The following CTNNA3 variants were observed in gnomAD, a reference collection of about 807,000 sequenced individuals.
CTNNA3 encodes the protein catenin alpha 3.
A neutral mutation model predicts 95.7 loss-of-function variants in CTNNA3; 76 were observed. The observed-to-expected ratio is 0.79, with a 90% CI of 0.66 to 0.96. CTNNA3 has a LOEUF of 0.96. Ranked by LOEUF, CTNNA3 falls within the 40% of genes least tolerant of loss-of-function variation. The pLI, the probability that CTNNA3 is intolerant of heterozygous loss-of-function variation, is 0.00. For missense variants in CTNNA3, 1,191 were observed against 1,089.8 expected (o/e 1.09, Z -1.31); for synonymous variants, 431 against 374.4 (o/e 1.15, Z -1.74).
chr10:67,230,822 G>A (rs79256932), intron 5 of CTNNA3, among the ~76,000 whole-genome samples: 14 of 152,292 alleles, frequency 9.2e-5, no homozygotes, highest in East Asian at 7.8e-4. Flanking sequence ...TGCACACACC[G>A]TGCGCGAGCC....
intron 7 of CTNNA3, among the ~76,000 whole-genome samples, chr10:66,955,022 T>G (rs1175398056): frequency 6.6e-6 from 1 of 152,180 alleles, no homozygotes; most frequent in Non-Finnish European, 1.5e-5. Context: ...TGGAGCACAT[T>G]AACATATATA....
chr10:67,028,446 T>TA (rs528843870), intron 7 of CTNNA3, among the ~76,000 whole-genome samples: 260 of 147,328 alleles, frequency 1.8e-3, no homozygotes, highest in African/African-American at 5.8e-3. Flanking sequence ...CAGTCTTTAT[T>TA]AAAAAAAAAA....
rs145053640 is a variant in CTNNA3, at chr10:65,968,063, C to T, written c.2266-1317G>A. Among the ~76,000 whole-genome samples, 38 of 152,190 alleles carry T rather than the reference C, an allele frequency of 2.5e-4. No individual in the cohort carries two copies. The East Asian group carries it at 5.4e-3, about 22-fold the overall frequency. Reference sequence around the variant, plus strand: ...TAAAAAAATCAATATGTAAATATTGCAATCAAATTCTATTAAAAATTGTGT... The same window carrying T: ...TAAAAAAATCAATATGTAAATATTGTAATCAAATTCTATTAAAAATTGTGT... On this transcript the variant is annotated intron_variant, in intron 16 of 17. Transcript: ENST00000433211.
chr10:66,850,986 C>T (rs1843463388), intron 7 of CTNNA3, among the ~76,000 whole-genome samples: 1 of 152,012 alleles, frequency 6.6e-6, no homozygotes, highest in Admixed American at 6.6e-5. Flanking sequence ...ACTATTATAC[C>T]CTGTTTTCAT....
intron 14 of CTNNA3, among the ~76,000 whole-genome samples, chr10:66,095,251 G>A (rs1480094238): frequency 1.6e-4 from 25 of 152,146 alleles, no homozygotes; most frequent in Non-Finnish European, 3.5e-4. Context: ...AAACCCTAAT[G>A]TTTAAAAATA....
chr10:66,906,369 T>A (rs1366180909), intron 7 of CTNNA3, among the ~76,000 whole-genome samples: 1 of 152,080 alleles, frequency 6.6e-6, no homozygotes, highest in Non-Finnish European at 1.5e-5. Context: ...AGAGGAAAAT[T>A]TTAAGCCATA....
intron 17 of CTNNA3, among the ~76,000 whole-genome samples, chr10:65,933,234 G>A (rs2077282617): frequency 6.6e-6 from 1 of 152,092 alleles, no homozygotes; most frequent in African/African-American, 2.4e-5. Flanking sequence ...ACACATTGGT[G>A]CATTTCAATT....
At chr10:66,855,884 T>C (rs1843666519) in intron 7 of CTNNA3, among the ~76,000 whole-genome samples, 1 of 152,034 alleles carries the variant, frequency 6.6e-6, no homozygotes, top group Admixed American at 6.6e-5. Flanking sequence ...GCCTTATCAA[T>C]AATATTATCA....
chr10:66,145,210 G>A (rs1180666893), intron 13 of CTNNA3, among the ~76,000 whole-genome samples: 7 of 152,134 alleles, frequency 4.6e-5, no homozygotes, highest in African/African-American at 1.2e-4. Flanking sequence ...TCCATATGCC[G>A]TTCAAGACTC....
intron 4 of CTNNA3, among the ~76,000 whole-genome samples, chr10:67,530,888 G>T (rs968831014): frequency 6.6e-6 from 1 of 152,200 alleles, no homozygotes; most frequent in Admixed American, 6.5e-5. Context: ...GGAGCCCTTT[G>T]TCCCAGCTGC....
chr10:66,330,194 A>G (rs1195576143), intron 12 of CTNNA3, among the ~76,000 whole-genome samples: 2 of 151,742 alleles, frequency 1.3e-5, no homozygotes, highest in African/African-American at 2.4e-5. Context: ...CATTAGGTAT[A>G]TCTCCTAATG....
intron 2 of CTNNA3, among the ~76,000 whole-genome samples, chr10:67,608,967 A>G (rs140045248): frequency 0.022 from 3,309 of 151,768 alleles, 118 homozygotes; most frequent in African/African-American, 0.076. Flanking sequence ...GCGCATGCCT[A>G]TAATCCCAGC....
intron 15 of CTNNA3, among the ~76,000 whole-genome samples, chr10:66,009,859 G>C (rs1378712683): frequency 3.9e-5 from 6 of 152,206 alleles, no homozygotes; most frequent in Non-Finnish European, 1.5e-5. Flanking sequence ...AGAGAGACTA[G>C]CCATGGTCTT....
At chr10:66,578,196 G>T (rs1843066238) in intron 10 of CTNNA3, among the ~76,000 whole-genome samples, 1 of 151,958 alleles carries the variant, frequency 6.6e-6, no homozygotes, top group Admixed American at 6.6e-5. Flanking sequence ...CTTTACTAAG[G>T]TCATTTATCA....
At chr10:66,104,601 C>A (rs1357000192) in intron 13 of CTNNA3, among the ~76,000 whole-genome samples, 1 of 152,156 alleles carries the variant, frequency 6.6e-6, no homozygotes, top group African/African-American at 2.4e-5. Flanking sequence ...TCTCTCCCAT[C>A]CTCCCTGCTT....
At chr10:67,307,717 T>C (rs1248217771) in intron 5 of CTNNA3, among the ~76,000 whole-genome samples, 1 of 152,166 alleles carries the variant, frequency 6.6e-6, no homozygotes, top group Non-Finnish European at 1.5e-5. Context: ...AGACTGAGTG[T>C]ACAACCTATA....
At chr10:67,575,170 G>A (rs1358497989) in intron 3 of CTNNA3, among the ~76,000 whole-genome samples, 1 of 151,948 alleles carries the variant, frequency 6.6e-6, no homozygotes, top group Non-Finnish European at 1.5e-5. Flanking sequence ...TTTATGTTTG[G>A]GTTATGCGTT....
chr10:66,142,416 T>C (rs758421490), intron 13 of CTNNA3, among the ~76,000 whole-genome samples: 1 of 152,148 alleles, frequency 6.6e-6, no homozygotes, highest in Non-Finnish European at 1.5e-5. Flanking sequence ...GGAAGCTTTA[T>C]GGTAAGTCTT....
chr10:67,566,087 T>C (rs1283382335), intron 3 of CTNNA3, among the ~76,000 whole-genome samples: 1 of 43,782 alleles, frequency 2.3e-5, no homozygotes, highest in Non-Finnish European at 4.5e-5. Context: ...AACCTAGGCA[T>C]TACCATTCAG....
Sources: gnomAD v4.1 joint callset for allele counts (sites outside exome capture counted in the v4.1 genomes callset) on GRCh38, gnomAD v4.1.1 for gene constraint, MANE v1.5 for transcripts, NCBI Gene and HGNC (gene_info 2026-07-23, HGNC 2026-07-21) for gene names.